The following KIRREL3 variants were observed in gnomAD, a reference collection of about 807,000 sequenced individuals.
KIRREL3 encodes the protein kirre like nephrin family adhesion molecule 3.
A neutral mutation model predicts 89.7 loss-of-function variants in KIRREL3; 36 were observed. That is an observed-to-expected ratio of 0.40 (90% CI 0.31 to 0.53). The LOEUF (loss-of-function observed/expected upper bound fraction) is 0.53, where lower values mean the gene tolerates loss of function less well. KIRREL3 is among the 20% of genes least tolerant of loss of function. KIRREL3 has a pLI of 0.49. For missense variants in KIRREL3, 864 were observed against 1,056.6 expected (o/e 0.82, Z 2.53); for synonymous variants, 445 against 441.4 (o/e 1.01, Z -0.10).
intron 4 of KIRREL3, among the ~76,000 whole-genome samples, chr11:126,494,945 C>T (rs1222304384): frequency 1.3e-5 from 2 of 152,222 alleles, no homozygotes; most frequent in African/African-American, 2.4e-5. Context: ...ATGCGGGTGG[C>T]GTGGGACGGG....
At position 126,611,222 on chromosome 11, in the gene KIRREL3, T is replaced by C. The variant is rs1943113966; in HGVS notation, c.56-48310A>G. Among the ~76,000 whole-genome samples, 2 of 152,186 alleles carry C rather than the reference T, an allele frequency of 1.3e-5. No individual in the cohort carries two copies. The highest frequency in any genetic ancestry group is 2.1e-4 in the South Asian group (1 of 4,824). The stretch of plus-strand genomic sequence containing the variant: ...TGAAACGAGAGAATACATGTAACGT[T>C]CTTGGCTCACAGCGCCCGGTGAATG... On this transcript the variant is annotated intron_variant, in intron 1 of 16. Transcript: ENST00000525144. The surrounding 1 kb of genome is among the most constrained non-coding windows in gnomAD (Gnocchi z 4.7).
chr11:126,569,254 G>A lies in KIRREL3; in HGVS notation c.56-6342C>T, dbSNP rs541167657. ...TTTCTGGACTTACTGTGTTCGAGGT[G>A]ACAAGGTTCTAAAGTGAAGAGGACT... On this transcript the variant is annotated intron_variant, in intron 1 of 16. Transcript: ENST00000525144. The surrounding 1 kb of genome is among the most constrained non-coding windows in gnomAD (Gnocchi z 6.5). Among the ~76,000 whole-genome samples, 1 of 152,316 alleles carries A rather than the reference G, an allele frequency of 6.6e-6. No homozygotes were observed. The highest frequency in any genetic ancestry group is 2.1e-4 in the South Asian group (1 of 4,820).
At chr11:126,856,359 C>T (rs1944508613) in intron 1 of KIRREL3, among the ~76,000 whole-genome samples, 1 of 152,022 alleles carries the variant, frequency 6.6e-6, no homozygotes, top group Non-Finnish European at 1.5e-5. Context: ...AATTTTTTTT[C>T]TCACATTATT....
chr11:126,529,263 G>A (rs1398636232), intron 2 of KIRREL3, among the ~76,000 whole-genome samples: 1 of 152,174 alleles, frequency 6.6e-6, no homozygotes, highest in Non-Finnish European at 1.5e-5. Context: ...AGGGAGAGGA[G>A]GGGGCTATCA....
intron 1 of KIRREL3, among the ~76,000 whole-genome samples, chr11:126,634,357 G>A (rs541839150): frequency 6.6e-6 from 1 of 152,324 alleles, no homozygotes; most frequent in Admixed American, 6.5e-5. Context: ...AGGTGCCATT[G>A]TTCCCTGTAT....
Position 126,997,271 on chromosome 11 carries a change from A to G in KIRREL3, c.55+3184T>C, listed in dbSNP as rs529395637. 1.2e-4 allele frequency among the ~76,000 whole-genome samples: 18 copies of G among 152,246 alleles called. No homozygotes were observed. The highest frequency in any genetic ancestry group is 2.2e-4 in the Non-Finnish European group (15 of 68,046). On this transcript the variant is annotated intron_variant, in intron 1 of 16. Transcript: ENST00000525144. The surrounding 1 kb of genome is among the most constrained non-coding windows in gnomAD (Gnocchi z 4.3). The stretch of plus-strand genomic sequence containing the variant: ...TTATTTTTTCACCCAGGGGCAGAAC[A>G]TGTCTATTCTCAGCAGGAGGCAAAT...
At position 126,490,119 on chromosome 11, in the gene KIRREL3, T is replaced by A. The variant is rs924678137; in HGVS notation, c.434-16653A>T. Among the ~76,000 whole-genome samples the A allele has an allele frequency of 5.3e-5, 8 of 150,964 alleles. No individual in the cohort carries two copies. Among genetic ancestry groups the A allele is most frequent in the Middle Eastern group, 3.4e-3 (1 of 292 alleles). ...CACAGTTAGCTCCCATGATGGGCAT[T>A]CGTGTTTGTGGCCAGAGGCATACAT... On this transcript the variant is annotated intron_variant, in intron 4 of 16. Transcript: ENST00000525144. This position sits in a 1 kb window ranked among gnomAD's most constrained non-coding sequence, Gnocchi z 4.2.
rs1950625710 is a variant in KIRREL3, at chr11:126,791,062, A to G, written c.55+209393T>C. ...GATGTCACTTCTTAGCTTTGGGAGG[A>G]AAAAATGAGTGATCCTTGAAATGGT... On this transcript the variant is annotated intron_variant, in intron 1 of 16. Transcript: ENST00000525144. The surrounding 1 kb of genome is among the most constrained non-coding windows in gnomAD (Gnocchi z 4.8). Among the ~76,000 whole-genome samples the G allele has an allele frequency of 6.6e-6, 1 of 152,170 alleles. No homozygotes were observed. Among genetic ancestry groups the G allele is most frequent in the Admixed American group, 6.5e-5 (1 of 15,280 alleles).
intron 1 of KIRREL3, among the ~76,000 whole-genome samples, chr11:126,798,180 GGGTGGCCTGGAGAGGCCACCA>G (rs763593621): frequency 9.1e-4 from 34 of 37,198 alleles, no homozygotes; most frequent in Non-Finnish European, 1.7e-3. Context: ...GAGCCCCCAA[GGGTGGCCTGGAGAGGCCACCA>G]GGTGGCCTTC....
chr11:126,464,454 C>G (rs780729033), intron 5 of KIRREL3, among the ~76,000 whole-genome samples: 13 of 151,962 alleles, frequency 8.6e-5, no homozygotes, highest in Non-Finnish European at 1.3e-4. Context: ...TCACTTGATC[C>G]CGGAAGGTTG....
intron 1 of KIRREL3, among the ~76,000 whole-genome samples, chr11:126,799,295 T>A (rs1370052779): frequency 7.1e-6 from 1 of 141,290 alleles, no homozygotes; most frequent in African/African-American, 2.7e-5. Context: ...TGTGTGTATC[T>A]GTACGTGTGT....
chr11:126,452,408 C>T (rs1225332906), intron 7 of KIRREL3, among the ~76,000 whole-genome samples: 3 of 152,210 alleles, frequency 2.0e-5, no homozygotes, highest in Non-Finnish European at 2.9e-5. Context: ...CCTGCTGAGG[C>T]GAGGGGGCCA....
rs1264205494 is a variant in KIRREL3, at chr11:126,865,404, G to A, written c.55+135051C>T. Among the ~76,000 whole-genome samples the A allele has an allele frequency of 2.6e-5, 4 of 152,304 alleles. 1 individual carries two copies. Among genetic ancestry groups the A allele is most frequent in the Non-Finnish European group, 1.5e-5 (1 of 68,028 alleles). On this transcript the variant is annotated intron_variant, in intron 1 of 16. Coordinates refer to ENST00000525144, the MANE Select transcript of KIRREL3 (RefSeq NM_032531.4). ...TCTGTACCAATAGGGTTTGCTGAGC[G>A]GGTCATTGATGTGTTTAGTCTGGGA...
chr11:126,510,018 A>AG (rs71048793), intron 4 of KIRREL3, among the ~76,000 whole-genome samples: 1 of 145,528 alleles, frequency 6.9e-6, no homozygotes, highest in Non-Finnish European at 1.5e-5. Flanking sequence ...AAAAAAAAAA[A>AG]GAAAAAAGAA....
chr11:126,530,392 G>T lies in KIRREL3; in HGVS notation c.134-3705C>A, dbSNP rs1958904863. 6.6e-6 allele frequency among the ~76,000 whole-genome samples: 1 copy of T among 152,062 alleles called. No homozygotes were observed. The highest frequency in any genetic ancestry group is 2.4e-5 in the African/African-American group (1 of 41,390). On this transcript the variant is annotated intron_variant, in intron 2 of 16. Coordinates refer to ENST00000525144, the MANE Select transcript of KIRREL3 (RefSeq NM_032531.4). The surrounding 1 kb of genome is among the most constrained non-coding windows in gnomAD (Gnocchi z 5.8). ...GAGCCACCATGCCTGGCCTCTACTT[G>T]CTTTATTTTCCCCATTTTCTTTTCT...
chr11:126,945,650 C>T (rs1948601538), intron 1 of KIRREL3, among the ~76,000 whole-genome samples: 1 of 152,128 alleles, frequency 6.6e-6, no homozygotes, highest in Admixed American at 6.5e-5. Context: ...ACAGATGTTC[C>T]CTCCTCCTTG....
In KIRREL3 at chr11:126,869,683, A is replaced by T. The variant is rs558817821; in HGVS notation, c.55+130772T>A. On this transcript the variant is annotated intron_variant, in intron 1 of 16. Coordinates refer to ENST00000525144, the MANE Select transcript of KIRREL3 (RefSeq NM_032531.4). ...CAGGGTGCTCTCATCATAGTGTTCA[A>T]CTTACACACCCCTGACCTCACCCCA... Among the ~76,000 whole-genome samples the T allele has an allele frequency of 1.7e-3, 257 of 152,178 alleles. 2 individuals carry two copies. The highest frequency in any genetic ancestry group is 0.01 in the Middle Eastern group (3 of 294).
At position 126,565,014 on chromosome 11, in the gene KIRREL3, C is replaced by T. The variant is rs1267578031; in HGVS notation, c.56-2102G>A. ...CATCTAAAGCACATCAGCAATGGCT[C>T]CTAATGAGAAAGGGAGTTTGGGCTC... On this transcript the variant is annotated intron_variant, in intron 1 of 16. Transcript: ENST00000525144. The surrounding 1 kb of genome is among the most constrained non-coding windows in gnomAD (Gnocchi z 5.4). Among the ~76,000 whole-genome samples the T allele has an allele frequency of 6.6e-6, 1 of 152,138 alleles. No homozygotes were observed. The highest frequency in any genetic ancestry group is 2.4e-5 in the African/African-American group (1 of 41,424).
chr11:126,815,260 G>A (rs1267227307), intron 1 of KIRREL3, among the ~76,000 whole-genome samples: 1 of 152,198 alleles, frequency 6.6e-6, no homozygotes, highest in Non-Finnish European at 1.5e-5. Context: ...GGGGCATCAA[G>A]AGATGACTTG....
Sources: allele counts gnomAD v4.1 joint callset (sites outside exome capture counted in the v4.1 genomes callset), GRCh38; gene constraint gnomAD v4.1.1; non-coding constraint Gnocchi (gnomAD v3.1); transcripts MANE v1.5; gene names NCBI Gene and HGNC (gene_info 2026-07-23, HGNC 2026-07-21).